The following UBR2 variants were observed in gnomAD, a reference collection of about 807,000 sequenced individuals.
UBR2 encodes ubiquitin protein ligase E3 component n-recognin 2, also known as E3 ubiquitin-protein ligase UBR2.
In UBR2, 92 loss-of-function variants were observed where a neutral mutation model predicts 247.9. The ratio of observed to expected loss-of-function variants is 0.37; its 90% CI spans 0.31 to 0.44. The LOEUF (loss-of-function observed/expected upper bound fraction) is 0.44, where lower values mean the gene tolerates loss of function less well. Ranked by LOEUF, UBR2 falls within the 20% of genes least tolerant of loss-of-function variation. The pLI, the probability that UBR2 is intolerant of heterozygous loss-of-function variation, is 1.00. For synonymous variants in UBR2, 672 were observed against 693.5 expected (o/e 0.97, Z 0.49); for missense variants, 1,613 against 2,112.6 (o/e 0.76, Z 4.64).
At chr6:42,687,103 A>C (rs950474530) in intron 44 of UBR2, among the ~76,000 whole-genome samples, 2 of 152,194 alleles carry the variant, frequency 1.3e-5, no homozygotes, top group Admixed American at 6.5e-5. Flanking sequence ...CAGAGGCTGC[A>C]ATCTCCGCAC....
intron 1 of UBR2, among the ~76,000 whole-genome samples, chr6:42,567,208 A>G (rs984971662): frequency 6.6e-5 from 10 of 152,124 alleles, no homozygotes; most frequent in African/African-American, 2.4e-4. Flanking sequence ...AGGAGGAAGA[A>G]CTTTTTGTGA....
chr6:42,582,383 C>A (rs1479674646), intron 2 of UBR2, among the ~76,000 whole-genome samples: 1 of 150,506 alleles, frequency 6.6e-6, no homozygotes, highest in African/African-American at 2.4e-5. Flanking sequence ...ACAGTGAATA[C>A]TCTTACTTGA....
At chr6:42,667,251 G>A (rs1451486499) in intron 34 of UBR2, among the ~76,000 whole-genome samples, 1 of 151,530 alleles carries the variant, frequency 6.6e-6, no homozygotes. Context: ...CAGGAGAATC[G>A]CTTGAACTTG....
intron 15 of UBR2, among the ~76,000 whole-genome samples, chr6:42,639,032 A>G (rs923912973): frequency 2.0e-5 from 3 of 152,198 alleles, no homozygotes; most frequent in African/African-American, 7.2e-5. Flanking sequence ...ACTGCTTATA[A>G]TCTAATTGGA....
intron 46 of UBR2, among the ~76,000 whole-genome samples, chr6:42,690,299 G>A (rs985472417): frequency 5.3e-5 from 8 of 152,236 alleles, no homozygotes; most frequent in Non-Finnish European, 8.8e-5. Flanking sequence ...AGCAAGGTAA[G>A]TAGATGAGCT....
At chr6:42,648,046 A>G in intron 21 of UBR2, 72 bp from the exon 22 acceptor site, 1 of 1,260,804 alleles carries the variant, frequency 7.9e-7, no homozygotes, top group Non-Finnish European at 1.2e-6. Flanking sequence ...AGGGTCAATG[A>G]GATAAAACAC....
At chr6:42,592,451 G>A (rs985334423) in intron 3 of UBR2, among the ~76,000 whole-genome samples, 5 of 152,076 alleles carry the variant, frequency 3.3e-5, no homozygotes, top group African/African-American at 1.2e-4. Flanking sequence ...AGAGATATCA[G>A]CTCTTCTGTA....
chr6:42,604,595 A>G (rs1793578954), intron 5 of UBR2, among the ~76,000 whole-genome samples: 1 of 152,202 alleles, frequency 6.6e-6, no homozygotes, highest in South Asian at 2.1e-4. Context: ...TTGGGACAGC[A>G]TGGCCCCCTA....
chr6:42,672,949 A>G (rs1475891142), intron 36 of UBR2, among the ~76,000 whole-genome samples: 1 of 152,230 alleles, frequency 6.6e-6, no homozygotes, highest in Non-Finnish European at 1.5e-5. Context: ...AAATTTGGAA[A>G]ATGAAAAAAC....
At chr6:42,645,721 C>T in intron 21 of UBR2, 131 bp downstream of exon 21, 1 of 920,756 alleles carries the variant, frequency 1.1e-6, no homozygotes, top group South Asian at 1.6e-5. Flanking sequence ...GTGTATAATT[C>T]CGGTCACTCT....
intron 2 of UBR2, among the ~76,000 whole-genome samples, chr6:42,584,722 A>T (rs922360042): frequency 2.0e-5 from 3 of 152,122 alleles, no homozygotes; most frequent in Admixed American, 6.5e-5. Flanking sequence ...TTTATATAGA[A>T]GTTGTACATG....
At chr6:42,662,066 G>A in intron 30 of UBR2, 118 bp from the exon 31 acceptor site, 2 of 619,594 alleles carry the variant, frequency 3.2e-6, no homozygotes, top group Non-Finnish European at 2.7e-6. Context: ...GAATAAACTA[G>A]CATTTCATTT....
chr6:42,570,867 G>A (rs1791080559), intron 1 of UBR2, among the ~76,000 whole-genome samples: 1 of 151,706 alleles, frequency 6.6e-6, no homozygotes, highest in African/African-American at 2.4e-5. Flanking sequence ...TTTATTTTTA[G>A]AAGAGACAGG....
rs34284200 is a variant in UBR2, at chr6:42,632,958, CTT to C, written c.1545+70_1545+71del. On this transcript the variant is annotated intron_variant, in intron 13 of 46. Transcript: ENST00000372901. ...TTCCTTTTTTTTTTTTCTCTTTTCTCTTTTTTTTTTTTTTTTTAATTTTTCTT... is the reference window on the plus strand; with the variant it reads ...TTCCTTTTTTTTTTTTCTCTTTTCTCTTTTTTTTTTTTTTTAATTTTTCTT... The C allele has an allele frequency of 4.3e-3, 2,728 of 640,494 alleles. 1 individual carries two copies. The highest frequency in any genetic ancestry group is 0.018 in the East Asian group (452 of 24,710). 39.7% of individuals were successfully genotyped at this position (640,494 alleles called of 1,614,324 possible).
chr6:42,679,112 T>C (rs1010783994), intron 41 of UBR2, among the ~76,000 whole-genome samples: 1 of 152,236 alleles, frequency 6.6e-6, no homozygotes, highest in Admixed American at 6.5e-5. Flanking sequence ...TGCTCTTTCA[T>C]AGTTGTTTTC....
intron 8 of UBR2, among the ~76,000 whole-genome samples, chr6:42,613,136 C>A (rs1439799869): frequency 1.3e-5 from 2 of 151,938 alleles, no homozygotes; most frequent in Non-Finnish European, 2.9e-5. Flanking sequence ...GAAATTCGGT[C>A]ATTTTTCTCT....
rs372212454 is a variant in UBR2 at position 42,674,147 on chromosome 6, A to G, written c.4205A>G (p.His1402Arg). ...GTAGCACTGGTGCCTAATGACAGCC[A>G]TGAGGAACTTCCATGCATATTAGAT... Reference protein sequence around the residue: ...LFASLVPNDSHEELPCILDID... With the variant: ...LFASLVPNDSREELPCILDID... Residue 1402 changes from histidine (H) to arginine (R), a missense_variant, in exon 38 of 47, where the codon CAT becomes CGT. By Grantham distance (29) the His-to-Arg change is conservative. This residue lies in a region of UBR2 where 1,524 missense variants were observed against 1,967.3 expected (regional missense o/e 0.77). Coordinates refer to ENST00000372901, the MANE Select transcript of UBR2 (RefSeq NM_001363705.2). 2 of 1,613,846 alleles carry G rather than the reference A, an allele frequency of 1.2e-6. No homozygotes were observed. Among genetic ancestry groups the G allele is most frequent in the Non-Finnish European group, 8.5e-7 (1 of 1,179,984 alleles).
intron 2 of UBR2, among the ~76,000 whole-genome samples, chr6:42,575,846 G>T (rs1275922748): frequency 6.6e-6 from 1 of 152,106 alleles, no homozygotes; most frequent in Non-Finnish European, 1.5e-5. Context: ...AGTACTTTGA[G>T]ACTATTAAGT....
chr6:42,573,758 A>G lies in UBR2; in HGVS notation c.103A>G (p.Thr35Ala). 1 of 1,582,264 alleles carries G rather than the reference A, an allele frequency of 6.3e-7. No individual in the cohort carries two copies. Among genetic ancestry groups the G allele is most frequent in the Non-Finnish European group, 8.6e-7 (1 of 1,161,622 alleles). ...GAAATGGCTGCAAGCAACTGACCTC[A>G]CTAGAGAAGTGTACCAGCATTTAGC... Reference protein sequence around the residue: ...AGKWLQATDLTREVYQHLAHY... With the variant: ...AGKWLQATDLAREVYQHLAHY... The change falls in exon 2 of 47, where the codon ACT becomes GCT. Residue 35 changes from threonine to alanine, a missense_variant. Transcript: ENST00000372901.
Sources: gnomAD v4.1 joint callset for allele counts (sites outside exome capture counted in the v4.1 genomes callset) on GRCh38, gnomAD v4.1.1 for gene constraint, gnomAD v4.1.1 regional missense constraint, MANE v1.5 for transcripts, NCBI Gene and HGNC (gene_info 2026-07-23, HGNC 2026-07-21) for gene names.